The following CEP112 variants were observed in gnomAD, a reference collection of about 807,000 sequenced individuals.
CEP112 encodes the protein centrosomal protein of 112 kDa.
Under a neutral mutation model 153.0 loss-of-function variants are expected in CEP112, and 127 were observed. That is an observed-to-expected ratio of 0.83 (90% CI 0.72 to 0.96). The LOEUF is 0.96. Ranked by LOEUF, CEP112 falls within the 40% of genes least tolerant of loss-of-function variation. CEP112 has a pLI of 0.00. For synonymous variants in CEP112, 358 were observed against 374.4 expected (o/e 0.96, Z 0.51); for missense variants, 1,089 against 1,101.2 (o/e 0.99, Z 0.16).
Position 65,869,724 on chromosome 17 carries a change from C to T in CEP112, c.2164-17690G>A, listed in dbSNP as rs9894713. Among the ~76,000 whole-genome samples the T allele has an allele frequency of 2.7e-3, 405 of 151,780 alleles. 1 individual carries two copies. Among genetic ancestry groups the T allele is most frequent in the African/African-American group, 9.4e-3 (390 of 41,374 alleles). ...CCTCCCAAGTAGCTGGGACTACAGG[C>T]AGGCGCCCGCCACCACATTCGGCTA... On this transcript the variant is annotated intron_variant, in intron 20 of 26. Coordinates refer to ENST00000535342, the MANE Select transcript of CEP112 (RefSeq NM_001199165.4).
At chr17:65,781,077 C>T (rs2053970176) in intron 21 of CEP112, among the ~76,000 whole-genome samples, 1 of 152,080 alleles carries the variant, frequency 6.6e-6, no homozygotes, top group African/African-American at 2.4e-5. Context: ...GCTCTATTTC[C>T]TATACTGGAT....
chr17:65,744,235 T>TG (rs2051305354), intron 22 of CEP112, among the ~76,000 whole-genome samples: 1 of 149,430 alleles, frequency 6.7e-6, no homozygotes, highest in African/African-American at 2.5e-5. Context: ...TTTTTGTGTT[T>TG]TTTGTTTGTT....
chr17:65,822,940 A>G (rs979115393), intron 21 of CEP112, among the ~76,000 whole-genome samples: 1 of 152,150 alleles, frequency 6.6e-6, no homozygotes, highest in Admixed American at 6.5e-5. Context: ...TTATATTTAT[A>G]TATTAGCAAA....
At chr17:65,923,457 A>ACTG (rs2060805197) in intron 19 of CEP112, among the ~76,000 whole-genome samples, 1 of 152,214 alleles carries the variant, frequency 6.6e-6, no homozygotes, top group African/African-American at 2.4e-5. Flanking sequence ...AGGCAGGAGG[A>ACTG]CTGCTCAAGC....
intron 4 of CEP112, among the ~76,000 whole-genome samples, chr17:66,161,377 G>A (rs955004293): frequency 3.9e-5 from 6 of 152,082 alleles, no homozygotes; most frequent in Non-Finnish European, 7.4e-5. Flanking sequence ...AAAGATACAT[G>A]CACACGTATG....
rs539626259 is a variant in CEP112, at chr17:65,999,497, G to A, written c.1736+6193C>T. Among the ~76,000 whole-genome samples the A allele has an allele frequency of 2.0e-5, 3 of 151,940 alleles. No homozygotes were observed. The East Asian group carries it at 5.8e-4, about 29-fold the overall frequency. ...ATTACAAGCGTGAGCCACCACGCCC[G>A]GCCAGAAATTACTAAATTATTTTTC... On this transcript the variant is annotated intron_variant, in intron 17 of 26. Coordinates refer to ENST00000535342, the MANE Select transcript of CEP112 (RefSeq NM_001199165.4).
chr17:65,995,325 A>T (rs1347301241), intron 17 of CEP112, among the ~76,000 whole-genome samples: 1 of 152,148 alleles, frequency 6.6e-6, no homozygotes, highest in East Asian at 1.9e-4. Context: ...AAGGAGAATG[A>T]TATACAGAAG....
At chr17:66,181,671 AAAG>A (rs1211738204) in intron 2 of CEP112, among the ~76,000 whole-genome samples, 1 of 152,176 alleles carries the variant, frequency 6.6e-6, no homozygotes, top group East Asian at 1.9e-4. Context: ...ATCTTTTTTT[AAAG>A]AAGATAAAAT....
At position 65,852,002 on chromosome 17, in the gene CEP112, C is replaced by T. The variant is rs771374539; in HGVS notation, c.2196G>A (p.Lys732=). Reference sequence around the variant, plus strand: ...TCACATTGATCAATTCTTCTCTCAACTTGTGAACCTGGGCCTCCATGTCGG... The same window carrying T: ...TCACATTGATCAATTCTTCTCTCAATTTGTGAACCTGGGCCTCCATGTCGG... ...VIADMEAQVH[K]LREELINVNS... The change falls in exon 21 of 27, where the codon AAG becomes AAA. Residue 732 remains lysine, a synonymous_variant. Transcript: ENST00000535342. The T allele has an allele frequency of 3.1e-6, 5 of 1,612,262 alleles. No individual in the cohort carries two copies. The South Asian group carries it at 5.5e-5, about 18-fold the overall frequency.
At chr17:65,918,882 C>T (rs1438102733) in intron 19 of CEP112, among the ~76,000 whole-genome samples, 3 of 152,188 alleles carry the variant, frequency 2.0e-5, no homozygotes, top group African/African-American at 7.2e-5. Context: ...GCTGTTTTCA[C>T]TTCATTACAG....
intron 24 of CEP112, among the ~76,000 whole-genome samples, chr17:65,649,589 T>A (rs1054815885): frequency 4.0e-5 from 6 of 151,732 alleles, no homozygotes; most frequent in Non-Finnish European, 8.8e-5. Context: ...CGTGGTGGCA[T>A]GCATCTGCGG....
At chr17:65,953,799 C>T (rs12450618) in intron 18 of CEP112, among the ~76,000 whole-genome samples, 62,715 of 151,874 alleles carry the variant, frequency 0.41, 14,347 homozygotes, top group East Asian at 0.87. Context: ...GCAGTAACAG[C>T]CAGCCCCACA....
intron 8 of CEP112, among the ~76,000 whole-genome samples, chr17:66,072,200 T>A (rs186894892): frequency 2.0e-5 from 3 of 152,274 alleles, no homozygotes; most frequent in Admixed American, 2.0e-4. Context: ...TGCCTCTTTA[T>A]CCCTAAAAAC....
At chr17:66,041,098 T>TAA (rs5821550) in intron 12 of CEP112, among the ~76,000 whole-genome samples, 282 of 146,394 alleles carry the variant, frequency 1.9e-3, no homozygotes, top group Middle Eastern at 7.4e-3. Context: ...AATGGCTTGG[T>TAA]AAAAAAAAAA....
intron 21 of CEP112, among the ~76,000 whole-genome samples, chr17:65,787,181 G>T (rs1433841103): frequency 6.6e-6 from 1 of 152,098 alleles, no homozygotes; most frequent in Non-Finnish European, 1.5e-5. Flanking sequence ...AATAATTTTG[G>T]CTGCTCTTGG....
At chr17:65,857,707 T>C (rs1293835957) in intron 20 of CEP112, among the ~76,000 whole-genome samples, 1 of 152,218 alleles carries the variant, frequency 6.6e-6, no homozygotes, top group Non-Finnish European at 1.5e-5. Flanking sequence ...GAGGGATTTT[T>C]TTTTTTGGAC....
intron 18 of CEP112, among the ~76,000 whole-genome samples, chr17:65,936,866 G>C (rs1179932130): frequency 2.1e-5 from 3 of 142,058 alleles, no homozygotes; most frequent in African/African-American, 7.7e-5. Context: ...CTGATGCCGA[G>C]CCGAAGCTGT....
At chr17:65,643,641 G>A (rs765733272) in intron 24 of CEP112, among the ~76,000 whole-genome samples, 11 of 152,126 alleles carry the variant, frequency 7.2e-5, no homozygotes, top group South Asian at 2.1e-4. Flanking sequence ...TATGTGGAGC[G>A]TTAGCAACAG....
chr17:65,891,306 A>G (rs959774548), intron 20 of CEP112, among the ~76,000 whole-genome samples: 1 of 152,206 alleles, frequency 6.6e-6, no homozygotes, highest in African/African-American at 2.4e-5. Context: ...TTTAATTATT[A>G]TCTATATGCT....
Sources: allele counts gnomAD v4.1 joint callset (sites outside exome capture counted in the v4.1 genomes callset), GRCh38; gene constraint gnomAD v4.1.1; transcripts MANE v1.5; gene names NCBI Gene and HGNC (gene_info 2026-07-23, HGNC 2026-07-21).